SFXN5: variants seen among roughly 807,000 people sequenced by gnomAD.
SFXN5 encodes sideroflexin-5.
SFXN5 carries 43 observed loss-of-function variants against 50.2 expected under a neutral mutation model. The ratio of observed to expected loss-of-function variants is 0.86; its 90% CI spans 0.67 to 1.11. The LOEUF (loss-of-function observed/expected upper bound fraction) is 1.11, where lower values mean the gene tolerates loss of function less well. Among genes scored for constraint, SFXN5 ranks in the 50% least tolerant of loss-of-function variants. The probability of loss-of-function intolerance (pLI) is 0.00; values close to 1 mark genes in which losing one functional copy is unlikely to be tolerated. For missense variants in SFXN5, 463 were observed against 454.1 expected, an observed-to-expected ratio of 1.02 and a Z score of -0.18; for synonymous variants, 203 against 185.8, an observed-to-expected ratio of 1.09 and a Z score of -0.75.
At chr2:73,029,408 G>A (rs1466821377) in intron 3 of SFXN5, among the ~76,000 whole-genome samples, 1 of 152,010 alleles carries the variant, frequency 6.6e-6, no homozygotes, top group African/African-American at 2.4e-5. Context: ...CTAAAATAGA[G>A]GGAAGCAATT....
chr2:73,036,869 A>G (rs1679043885), intron 3 of SFXN5, among the ~76,000 whole-genome samples: 1 of 152,182 alleles, frequency 6.6e-6, no homozygotes, highest in Non-Finnish European at 1.5e-5. Context: ...GCCAGAGAGA[A>G]GTCCCATTGC....
rs58591052 is a variant in SFXN5 at position 73,061,307 on chromosome 2, CAA to C, written c.103-2713_103-2712del. Reference sequence around the variant, plus strand: ...TAGGCGACAGAGCAAGACTCTGTCTCAAAAAAAAAAAAAAAAAAAGTCACATA... The same window carrying C: ...TAGGCGACAGAGCAAGACTCTGTCTCAAAAAAAAAAAAAAAAAGTCACATA... On this transcript the variant is annotated intron_variant, in intron 1 of 13. Coordinates refer to ENST00000272433, the MANE Select transcript of SFXN5 (RefSeq NM_144579.3). Among the ~76,000 whole-genome samples, 248 of 71,714 alleles carry C rather than the reference CAA, an allele frequency of 3.5e-3. 2 individuals are homozygous for C. Among genetic ancestry groups the C allele is most frequent in the African/African-American group, 8.0e-3 (199 of 24,978 alleles). 47.0% of individuals were successfully genotyped at this position (71,714 alleles called of 152,430 possible).
chr2:72,985,440 C>T (rs750516498), intron 10 of SFXN5, among the ~76,000 whole-genome samples: 7 of 152,002 alleles, frequency 4.6e-5, no homozygotes, highest in Non-Finnish European at 8.8e-5. Context: ...GCTTTTGAGT[C>T]CCTGGTGGGA....
rs1160776209 is a variant in SFXN5 at position 72,950,707 on chromosome 2, C to A, written c.946-5608G>T. On this transcript the variant is annotated intron_variant, in intron 13 of 13. Coordinates refer to ENST00000272433, the MANE Select transcript of SFXN5 (RefSeq NM_144579.3). This position sits in a 1 kb window ranked among gnomAD's most constrained non-coding sequence, Gnocchi z 4.2. ...CTAGGGCCTTGCCTGGCAGTGGCCT[C>A]TGGACCCATGGATAAGTGAAAGTGA... Among the ~76,000 whole-genome samples the A allele has an allele frequency of 6.6e-6, 1 of 152,256 alleles. No individual in the cohort carries two copies. Among genetic ancestry groups the A allele is most frequent in the East Asian group, 1.9e-4 (1 of 5,202 alleles).
At chr2:72,977,099 G>A (rs576416711) in intron 10 of SFXN5, among the ~76,000 whole-genome samples, 1 of 152,186 alleles carries the variant, frequency 6.6e-6, no homozygotes, top group Non-Finnish European at 1.5e-5. Flanking sequence ...ATCTAAGAAG[G>A]GTTGAGAGGC....
intron 6 of SFXN5, 82 bp from the exon 7 acceptor site, chr2:73,001,660 A>G (rs1673932764): frequency 7.6e-7 from 1 of 1,315,662 alleles, no homozygotes; most frequent in Middle Eastern, 1.8e-4. Flanking sequence ...GCTACCACAA[A>G]TGAGTGAGCT....
chr2:73,011,895 AC>A (rs1224533874), intron 6 of SFXN5, among the ~76,000 whole-genome samples: 1 of 152,100 alleles, frequency 6.6e-6, no homozygotes, highest in Non-Finnish European at 1.5e-5. Flanking sequence ...CCCTTGAGAA[AC>A]CCTTATCCTT....
At chr2:73,013,443 G>GTGTGTGTT (rs34394571) in intron 6 of SFXN5, among the ~76,000 whole-genome samples, 2 of 150,518 alleles carry the variant, frequency 1.3e-5, no homozygotes, top group African/African-American at 2.4e-5. Flanking sequence ...GTGTGTGTGT[G>GTGTGTGTT]TTTGAGAGAT....
chr2:73,061,935 G>T (rs1228641457), intron 1 of SFXN5, among the ~76,000 whole-genome samples: 1 of 152,008 alleles, frequency 6.6e-6, no homozygotes, highest in Admixed American at 6.6e-5. Context: ...GGGCAACACA[G>T]TGAAACCCCA....
chr2:73,058,952 C>G (rs1478673812), intron 1 of SFXN5: 1 of 650,032 alleles, frequency 1.5e-6, no homozygotes, highest in African/African-American at 2.0e-5. Context: ...GTCCCCAGCC[C>G]TCTCCCAGCC....
In SFXN5 at chr2:73,053,322, A is replaced by G. The variant is rs370241423; in HGVS notation, c.171+5206T>C. ...AGCTCTCACAAAAACAGTCAGCAAC[A>G]CTGATCTCAAAAGAGCCCCCAGCCA... On this transcript the variant is annotated intron_variant, in intron 2 of 13. Coordinates refer to ENST00000272433, the MANE Select transcript of SFXN5 (RefSeq NM_144579.3). The G allele has an allele frequency of 1.2e-3, 181 of 154,518 alleles. 1 individual carries two copies. The South Asian group carries it at 0.016, about 14-fold the overall frequency. 9.6% of individuals were successfully genotyped at this position (154,518 alleles called of 1,614,324 possible).
chr2:73,049,635 C>T (rs1190875103), intron 2 of SFXN5: 1 of 152,202 alleles, frequency 6.6e-6, no homozygotes, highest in African/African-American at 2.4e-5. Context: ...GATCCCACCT[C>T]TTAATACTAT....
chr2:73,023,268 T>G, intron 3 of SFXN5, 54 bp from the exon 4 acceptor site: 1 of 1,526,840 alleles, frequency 6.5e-7, no homozygotes. Flanking sequence ...AAAGCATATA[T>G]CGGTTTAAGG....
intron 6 of SFXN5, among the ~76,000 whole-genome samples, chr2:73,014,807 G>A (rs1449861529): frequency 6.6e-6 from 1 of 151,986 alleles, no homozygotes; most frequent in African/African-American, 2.4e-5. Context: ...CTAGATGTTT[G>A]TTTTAGGTTT....
intron 9 of SFXN5, among the ~76,000 whole-genome samples, chr2:72,989,363 TTC>T (rs1672297469): frequency 6.6e-6 from 1 of 152,182 alleles, no homozygotes; most frequent in Non-Finnish European, 1.5e-5. Flanking sequence ...CATTTCATCT[TTC>T]TCTGTCTCAG....
intron 9 of SFXN5, among the ~76,000 whole-genome samples, chr2:72,993,747 G>A (rs17504663): frequency 0.062 from 9,398 of 152,084 alleles, 365 homozygotes; most frequent in East Asian, 0.16. Flanking sequence ...AGGTGCTGTC[G>A]TCCCCCTACC....
chr2:73,023,075 TG>T, intron 4 of SFXN5, 112 bp downstream of exon 4: 1 of 1,028,926 alleles, frequency 9.7e-7, no homozygotes. Flanking sequence ...CAAGGGCAAA[TG>T]TGAGAGCCCG....
At chr2:73,068,099 C>T (rs376061620) in intron 1 of SFXN5, among the ~76,000 whole-genome samples, 8 of 152,304 alleles carry the variant, frequency 5.3e-5, no homozygotes, top group African/African-American at 1.7e-4. Context: ...TCTTTCTGCC[C>T]GTCCTCTTGC....
At chr2:72,954,992 T>C (rs1672920191) in intron 13 of SFXN5, among the ~76,000 whole-genome samples, 1 of 152,226 alleles carries the variant, frequency 6.6e-6, no homozygotes, top group African/African-American at 2.4e-5. Context: ...CAAGGTCATA[T>C]GGAGAGTTGA....
Sources: gnomAD v4.1 joint callset for allele counts (sites outside exome capture counted in the v4.1 genomes callset) on GRCh38, gnomAD v4.1.1 for gene constraint, Gnocchi (gnomAD v3.1) non-coding constraint, MANE v1.5 for transcripts, NCBI Gene and HGNC (gene_info 2026-07-23, HGNC 2026-07-21) for gene names.